The following COL24A1 variants were observed in gnomAD, a reference collection of about 807,000 sequenced individuals.
COL24A1 encodes the protein collagen type XXIV alpha 1 chain, also known as collagen alpha-1(XXIV) chain.
In COL24A1, 224 loss-of-function variants were observed where a neutral mutation model predicts 253.9. That is an observed-to-expected ratio of 0.88 (90% CI 0.79 to 0.99). COL24A1 has a LOEUF of 0.99. COL24A1 is among the 50% of genes least tolerant of loss of function. COL24A1 has a pLI of 0.00. For synonymous variants in COL24A1, 685 were observed against 673.7 expected (o/e 1.02, Z -0.26); for missense variants, 2,131 against 2,068.5 (o/e 1.03, Z -0.59).
chr1:85,970,422 T>C, intron 21 of COL24A1, 151 bp from the exon 22 acceptor site: 1 of 785,714 alleles, frequency 1.3e-6, no homozygotes, highest in East Asian at 2.9e-5. Flanking sequence ...TTGAACTCCA[T>C]CACCCCACAA....
At chr1:85,964,945 A>G in intron 23 of COL24A1, 64 bp downstream of exon 23, 1 of 1,402,402 alleles carries the variant, frequency 7.1e-7, no homozygotes, top group East Asian at 2.3e-5. Flanking sequence ...ATTTGTATGA[A>G]AGTCATAATT....
chr1:85,957,256 G>A (rs958846541), intron 24 of COL24A1, among the ~76,000 whole-genome samples: 7 of 152,180 alleles, frequency 4.6e-5, no homozygotes, highest in African/African-American at 7.2e-5. Flanking sequence ...GTTTAAAACC[G>A]AGATGACGGG....
intron 5 of COL24A1, among the ~76,000 whole-genome samples, chr1:86,109,084 G>C (rs1479587139): frequency 6.6e-6 from 1 of 152,110 alleles, no homozygotes; most frequent in Non-Finnish European, 1.5e-5. Flanking sequence ...TATAAATTCA[G>C]CCCTGTGGAG....
intron 47 of COL24A1, among the ~76,000 whole-genome samples, chr1:85,787,147 T>C (rs1669766142): frequency 2.0e-5 from 3 of 152,214 alleles, no homozygotes; most frequent in South Asian, 4.2e-4. Flanking sequence ...ACATATTGTT[T>C]AGGGCTGCAT....
intron 53 of COL24A1, among the ~76,000 whole-genome samples, chr1:85,765,587 A>C (rs1667285242): frequency 6.6e-6 from 1 of 150,980 alleles, no homozygotes; most frequent in African/African-American, 2.4e-5. Flanking sequence ...AAATAAATAA[A>C]TAAATTAGCC....
At chr1:86,127,394 A>AT (rs1312414562) in intron 2 of COL24A1, among the ~76,000 whole-genome samples, 3 of 152,060 alleles carry the variant, frequency 2.0e-5, no homozygotes, top group African/African-American at 7.2e-5. Context: ...GATATGTCTG[A>AT]TTCATTATTG....
rs549395904 is a variant in COL24A1, at chr1:86,142,713, G to T, written c.121+3406C>A. On this transcript the variant is annotated intron_variant, in intron 2 of 59. Transcript: ENST00000370571. The stretch of plus-strand genomic sequence containing the variant: ...AATACTGAAGATTTAATATTTAAAA[G>T]ATATTGAAGAAAGAGGAAATAAATA... Among the ~76,000 whole-genome samples, 17 of 152,018 alleles carry T rather than the reference G, an allele frequency of 1.1e-4. No homozygotes were observed. The East Asian group carries it at 2.1e-3, about 19-fold the overall frequency.
At chr1:85,984,622 G>A (rs1347443101) in intron 20 of COL24A1, among the ~76,000 whole-genome samples, 1 of 151,820 alleles carries the variant, frequency 6.6e-6, no homozygotes, top group Non-Finnish European at 1.5e-5. Context: ...AAGGGCTAAA[G>A]TTGGCAGGAA....
At chr1:85,862,694 T>G (rs1679295067) in intron 37 of COL24A1, among the ~76,000 whole-genome samples, 1 of 152,172 alleles carries the variant, frequency 6.6e-6, no homozygotes, top group South Asian at 2.1e-4. Context: ...ATGAAACTGT[T>G]CAGAATAAAC....
In COL24A1 at chr1:86,034,049, A is replaced by C. The variant is rs1366107160; in HGVS notation, c.1951-126T>G. The C allele has an allele frequency of 5.0e-6, 3 of 602,100 alleles. No homozygotes were observed. In the African/African-American group the frequency reaches 5.9e-5, roughly 12 times the overall value. 37.3% of individuals were successfully genotyped at this position (602,100 alleles called of 1,614,324 possible). A position where few individuals can be genotyped will look rare whatever the true frequency, so the allele number is the denominator to read the frequency against. ...ACTCTTAAACTGTAATGCAACAAAC[A>C]TTCTTTTGCATAACACGCTTAATTG... On this transcript the variant is annotated intron_variant, in intron 12 of 59. Coordinates refer to ENST00000370571, the MANE Select transcript of COL24A1 (RefSeq NM_152890.7).
chr1:86,125,601 T>C lies in COL24A1; in HGVS notation c.735A>G (p.Ala245=), dbSNP rs2102269064. ...CRYVKQQCRQ[A]DKYQPETSIP... Reference sequence around the variant, plus strand: ...TGCTTGTTTCAGGTTGGTATTTGTCTGCTTGGCGACACTGCTGTTTCACAT... The same window carrying C: ...TGCTTGTTTCAGGTTGGTATTTGTCCGCTTGGCGACACTGCTGTTTCACAT... Residue 245 remains alanine, a synonymous_variant, in exon 3 of 60, where the codon GCA becomes GCG. Coordinates refer to ENST00000370571, the MANE Select transcript of COL24A1 (RefSeq NM_152890.7). The C allele has an allele frequency of 1.2e-6, 2 of 1,613,414 alleles. No homozygotes were observed. The highest frequency in any genetic ancestry group is 1.7e-6 in the Non-Finnish European group (2 of 1,179,654).
intron 24 of COL24A1, among the ~76,000 whole-genome samples, chr1:85,913,495 C>T (rs142552885): frequency 6.6e-6 from 1 of 152,266 alleles, no homozygotes; most frequent in African/African-American, 2.4e-5. Flanking sequence ...CCATGCTCTG[C>T]TGGACTAAAG....
At chr1:85,781,798 G>A (rs1669177344) in intron 51 of COL24A1, among the ~76,000 whole-genome samples, 1 of 152,138 alleles carries the variant, frequency 6.6e-6, no homozygotes, top group African/African-American at 2.4e-5. Flanking sequence ...GGGCCATTGT[G>A]AGAATTAAAT....
intron 2 of COL24A1, among the ~76,000 whole-genome samples, chr1:86,135,355 G>T (rs141860095): frequency 0.015 from 2,250 of 152,108 alleles, 32 homozygotes; most frequent in Middle Eastern, 0.045. Context: ...TTACACTTAA[G>T]ATTAATATTG....
intron 10 of COL24A1, 143 bp from the exon 11 acceptor site, chr1:86,050,320 T>C (rs528763539): frequency 2.1e-5 from 10 of 475,956 alleles, no homozygotes; most frequent in Middle Eastern, 3.5e-4. Flanking sequence ...CCTCACCTAA[T>C]TGCTTTTCTT....
At chr1:85,889,473 C>A (rs1208552216) in intron 32 of COL24A1, 87 bp downstream of exon 32, 7 of 1,114,642 alleles carry the variant, frequency 6.3e-6, no homozygotes, top group Non-Finnish European at 2.7e-6. Context: ...CTAAAACATA[C>A]CAGTCACAGC....
chr1:85,998,221 G>A (rs148038342), intron 19 of COL24A1, among the ~76,000 whole-genome samples: 2,605 of 152,244 alleles, frequency 0.017, 30 homozygotes, highest in Middle Eastern at 0.068. Flanking sequence ...TCCTCTGGCT[G>A]GAATGCCCTT....
chr1:85,959,181 T>C (rs529617485), intron 24 of COL24A1, among the ~76,000 whole-genome samples: 31 of 152,250 alleles, frequency 2.0e-4, no homozygotes, highest in African/African-American at 7.5e-4. Context: ...TTCTAAGATT[T>C]TGAAATTAGA....
At position 85,886,799 on chromosome 1, in the gene COL24A1, G is replaced by T. The variant is rs370352531; in HGVS notation, c.2976+2761C>A. Among the ~76,000 whole-genome samples, 332 of 152,034 alleles carry T rather than the reference G, an allele frequency of 2.2e-3. 10 individuals carry two copies. In the South Asian group the frequency reaches 0.053, roughly 24 times the overall value. On this transcript the variant is annotated intron_variant, in intron 32 of 59. Coordinates refer to ENST00000370571, the MANE Select transcript of COL24A1 (RefSeq NM_152890.7). ...GTAATTCTTCCTTTTACTTCATTAA[G>T]GTGGATAATTCTTTATATACATGGT...
Sources: gnomAD v4.1 joint callset for allele counts (sites outside exome capture counted in the v4.1 genomes callset) on GRCh38, gnomAD v4.1.1 for gene constraint, MANE v1.5 for transcripts, NCBI Gene and HGNC (gene_info 2026-07-23, HGNC 2026-07-21) for gene names.